The following POLN variants were observed in gnomAD, a reference collection of about 807,000 sequenced individuals.
POLN encodes DNA polymerase N.
In POLN, 108 loss-of-function variants were observed where a neutral mutation model predicts 113.5. The ratio of observed to expected loss-of-function variants is 0.95; its 90% confidence interval spans 0.81 to 1.12. POLN has a LOEUF of 1.12. Ranked by LOEUF, POLN falls within the 50% of genes most tolerant of loss-of-function variation. The probability of loss-of-function intolerance (pLI) is 0.00; values close to 1 mark genes in which losing one functional copy is unlikely to be tolerated. For synonymous variants in POLN, 386 were observed against 391.5 expected, an observed-to-expected ratio of 0.99 and a Z score of 0.17; for missense variants, 1,097 against 1,077.1, an observed-to-expected ratio of 1.02 and a Z score of -0.26.
chr4:2,088,614 G>T, intron 20 of POLN: 1 of 646,578 alleles, frequency 1.5e-6, no homozygotes. Flanking sequence ...CAATTTTCAT[G>T]AAAATCACAA....
chr4:2,075,699 C>G (rs891210513), intron 23 of POLN, among the ~76,000 whole-genome samples, 180 bp from the exon 24 acceptor site: 4 of 152,192 alleles, frequency 2.6e-5, no homozygotes, highest in African/African-American at 4.8e-5. Flanking sequence ...GGCACTGAGG[C>G]CCAAGAGGAT....
chr4:2,153,306 C>A (rs1223295754), intron 16 of POLN, among the ~76,000 whole-genome samples: 1 of 152,148 alleles, frequency 6.6e-6, no homozygotes, highest in Non-Finnish European at 1.5e-5. Context: ...TATGGATATA[C>A]AAGCTCTAGG....
chr4:2,189,289 T>C (rs1733374194), intron 7 of POLN, among the ~76,000 whole-genome samples: 1 of 152,250 alleles, frequency 6.6e-6, no homozygotes, highest in Non-Finnish European at 1.5e-5. Context: ...CCACTTTACT[T>C]ATACAGACTT....
chr4:2,194,876 C>T (rs1046401999), intron 6 of POLN, among the ~76,000 whole-genome samples: 3 of 151,614 alleles, frequency 2.0e-5, no homozygotes, highest in East Asian at 1.9e-4. Flanking sequence ...CCAACCTGGG[C>T]GACAAAGAGA....
At chr4:2,096,385 G>A (rs1437171497) in intron 19 of POLN, among the ~76,000 whole-genome samples, 1 of 152,234 alleles carries the variant, frequency 6.6e-6, no homozygotes, top group East Asian at 1.9e-4. Context: ...AGGCCATGGG[G>A]GTGAGCCCCA....
chr4:2,091,640 A>G (rs1045228859), intron 20 of POLN, among the ~76,000 whole-genome samples: 16 of 152,154 alleles, frequency 1.1e-4, no homozygotes, highest in African/African-American at 3.6e-4. Flanking sequence ...TTTCACACAC[A>G]GGCCCTGAGA....
intron 15 of POLN, among the ~76,000 whole-genome samples, chr4:2,157,167 T>C (rs1244515811): frequency 6.6e-6 from 1 of 152,156 alleles, no homozygotes; most frequent in African/African-American, 2.4e-5. Flanking sequence ...GGGCTCGAGG[T>C]GGGACTGTGC....
chr4:2,190,157 A>G (rs754039982), intron 7 of POLN, among the ~76,000 whole-genome samples: 2 of 152,222 alleles, frequency 1.3e-5, no homozygotes, highest in Non-Finnish European at 2.9e-5. Context: ...CTGACTTCAA[A>G]TTATACTACA....
At chr4:2,137,136 T>A (rs1377170154) in intron 16 of POLN, among the ~76,000 whole-genome samples, 1 of 152,204 alleles carries the variant, frequency 6.6e-6, no homozygotes, top group Non-Finnish European at 1.5e-5. Context: ...AGTGGCTGAA[T>A]GAGTAAGACG....
At chr4:2,159,925 T>C (rs1399107924) in intron 13 of POLN, among the ~76,000 whole-genome samples, 2 of 152,244 alleles carry the variant, frequency 1.3e-5, no homozygotes, top group Non-Finnish European at 2.9e-5. Flanking sequence ...CTTAGGGCTA[T>C]TATGAATAAT....
intron 19 of POLN, among the ~76,000 whole-genome samples, chr4:2,114,619 C>G (rs75484098): frequency 0.025 from 3,793 of 152,196 alleles, 123 homozygotes; most frequent in East Asian, 0.17. Context: ...TATTGTTGTT[C>G]CTTTGTATAC....
rs1399427781 is a variant in POLN, at chr4:2,157,915, AGGT to A, written c.1612-7_1612-5del. 4.4e-6 allele frequency: 7 copies of A among 1,600,396 alleles called. No individual in the cohort carries two copies. Among genetic ancestry groups the A allele is most frequent in the Non-Finnish European group, 6.0e-6 (7 of 1,169,624 alleles). Reference sequence around the variant, plus strand: ...AGGTTGACTTGATCTTGTGAACCTAAGGTGGAAAGACAAGAATAATCATTTTCT... The same window carrying A: ...AGGTTGACTTGATCTTGTGAACCTAAGGAAAGACAAGAATAATCATTTTCT... On this transcript the variant is annotated splice_polypyrimidine_tract_variant and splice_region_variant and intron_variant, in intron 14 of 25. Coordinates refer to ENST00000511885, the MANE Select transcript of POLN (RefSeq NM_181808.4).
intron 2 of POLN, chr4:2,241,129 A>T: frequency 1.9e-6 from 1 of 524,112 alleles, no homozygotes; most frequent in Non-Finnish European, 3.3e-6. Flanking sequence ...GACCACAAAT[A>T]TGACGACAGT....
At chr4:2,110,255 T>C (rs1731159085) in intron 19 of POLN, among the ~76,000 whole-genome samples, 1 of 152,048 alleles carries the variant, frequency 6.6e-6, no homozygotes. Context: ...TAGAGGGAAA[T>C]TTATAGCACT....
chr4:2,221,696 C>G (rs1442014034), intron 3 of POLN, among the ~76,000 whole-genome samples: 2 of 152,188 alleles, frequency 1.3e-5, no homozygotes, highest in African/African-American at 2.4e-5. Context: ...CTGCCTCATC[C>G]TCCCGAGCAG....
At chr4:2,111,514 C>T (rs1361564027) in intron 19 of POLN, among the ~76,000 whole-genome samples, 1 of 152,194 alleles carries the variant, frequency 6.6e-6, no homozygotes, top group Non-Finnish European at 1.5e-5. Context: ...CCAAAATCTC[C>T]TTCAGCTGAT....
chr4:2,216,138 A>T (rs571068643), intron 3 of POLN, among the ~76,000 whole-genome samples: 1 of 152,162 alleles, frequency 6.6e-6, no homozygotes, highest in African/African-American at 2.4e-5. Context: ...GCCACCCCAG[A>T]AGATGGAAAT....
At chr4:2,105,857 A>T (rs1386455634) in intron 19 of POLN, among the ~76,000 whole-genome samples, 1 of 149,204 alleles carries the variant, frequency 6.7e-6, no homozygotes, top group Non-Finnish European at 1.5e-5. Context: ...TGGTGATGAT[A>T]AAATGGACCA....
intron 16 of POLN, among the ~76,000 whole-genome samples, chr4:2,138,293 T>C (rs1731909734): frequency 1.3e-5 from 2 of 152,160 alleles, no homozygotes; most frequent in Admixed American, 1.3e-4. Flanking sequence ...CCCTAAGAGC[T>C]AGGTGAGGAG....
Sources: gnomAD v4.1 joint callset for allele counts (sites outside exome capture counted in the v4.1 genomes callset) on GRCh38, gnomAD v4.1.1 for gene constraint, MANE v1.5 for transcripts, NCBI Gene and HGNC (gene_info 2026-07-23, HGNC 2026-07-21) for gene names.